The following ZNF292 variants were observed in gnomAD, a reference collection of about 807,000 sequenced individuals.
ZNF292 encodes the protein zinc finger protein 292, also known as 16 zinc-finger domain protein.
Under a neutral mutation model 217.9 loss-of-function variants are expected in ZNF292, and 26 were observed. The ratio of observed to expected loss-of-function variants is 0.12; its 90% confidence interval spans 0.09 to 0.17. ZNF292 has a LOEUF of 0.17. Among genes scored for constraint, ZNF292 ranks in the 10% least tolerant of loss-of-function variants. The probability of loss-of-function intolerance (pLI) is 1.00; values close to 1 mark genes in which losing one functional copy is unlikely to be tolerated. For synonymous variants in ZNF292, 1,257 were observed against 1,124.1 expected (o/e 1.12, Z -2.37); for missense variants, 2,904 against 3,175.2 (o/e 0.91, Z 2.05).
At chr6:87,240,338 C>T (rs953681120) in intron 5 of ZNF292, among the ~76,000 whole-genome samples, 3 of 80,616 alleles carry the variant, frequency 3.7e-5, no homozygotes, top group Admixed American at 3.9e-4. Context: ...AGAGGGAGAC[C>T]GTGGAAAGAG....
At chr6:87,211,014 A>G (rs1018225906) in intron 1 of ZNF292, among the ~76,000 whole-genome samples, 10 of 152,210 alleles carry the variant, frequency 6.6e-5, no homozygotes, top group African/African-American at 1.2e-4. Flanking sequence ...TTTTTGAACA[A>G]TGTGCACATC....
At chr6:87,169,669 G>A (rs1771035085) in intron 1 of ZNF292, 1 of 437,800 alleles carries the variant, frequency 2.3e-6, no homozygotes, top group African/African-American at 2.0e-5. Context: ...TCTGTTTTGA[G>A]ACAGGGTCTC....
chr6:87,207,276 G>GT (rs1334781460), intron 1 of ZNF292, among the ~76,000 whole-genome samples: 3 of 152,190 alleles, frequency 2.0e-5, no homozygotes, highest in African/African-American at 7.2e-5. Flanking sequence ...TGTAACAGAA[G>GT]TGACAGTATA....
intron 4 of ZNF292, among the ~76,000 whole-genome samples, chr6:87,232,844 A>G (rs1773721929): frequency 1.3e-5 from 2 of 152,086 alleles, no homozygotes; most frequent in African/African-American, 4.8e-5. Flanking sequence ...AGCTTTGTAA[A>G]ATGAAAAATA....
intron 4 of ZNF292, among the ~76,000 whole-genome samples, chr6:87,220,701 C>T (rs1273288868): frequency 6.6e-6 from 1 of 151,648 alleles, no homozygotes; most frequent in Non-Finnish European, 1.5e-5. Flanking sequence ...TGCTTGATTT[C>T]TTTACTTGTT....
At chr6:87,215,777 AACT>A (rs890364494) in intron 1 of ZNF292, 123 bp from the exon 2 acceptor site, 42 of 658,032 alleles carry the variant, frequency 6.4e-5, no homozygotes, top group Middle Eastern at 8.8e-4. Flanking sequence ...AATCAATATA[AACT>A]ACTTTTTGTT....
At chr6:87,162,425 A>G (rs538384562) in intron 1 of ZNF292, among the ~76,000 whole-genome samples, 89 of 152,326 alleles carry the variant, frequency 5.8e-4, no homozygotes, top group African/African-American at 1.9e-3. Flanking sequence ...CTTTTTGACT[A>G]TTAGAGGCTA....
chr6:87,158,965 C>G (rs1236688322), intron 1 of ZNF292, among the ~76,000 whole-genome samples: 1 of 152,190 alleles, frequency 6.6e-6, no homozygotes, highest in African/African-American at 2.4e-5. Context: ...AATTAATATT[C>G]TGTCAGTGTT....
chr6:87,183,361 C>G (rs1442090571), intron 1 of ZNF292, among the ~76,000 whole-genome samples: 1 of 151,904 alleles, frequency 6.6e-6, no homozygotes, highest in Non-Finnish European at 1.5e-5. Context: ...CTGGCCCCTG[C>G]AGGAAAATAT....
At chr6:87,217,443 C>T (rs1199332668) in intron 3 of ZNF292, among the ~76,000 whole-genome samples, 7 of 152,032 alleles carry the variant, frequency 4.6e-5, no homozygotes, top group Admixed American at 3.9e-4. Flanking sequence ...GCATATTCTA[C>T]TTCGGATATC....
chr6:87,188,970 C>T (rs986770075), intron 1 of ZNF292, among the ~76,000 whole-genome samples: 39 of 151,934 alleles, frequency 2.6e-4, no homozygotes, highest in African/African-American at 8.0e-4. Context: ...TTTGGGAGGC[C>T]GAGGCGGGCC....
chr6:87,171,401 TTTTG>T (rs1475812408), intron 1 of ZNF292, among the ~76,000 whole-genome samples: 1 of 151,970 alleles, frequency 6.6e-6, no homozygotes, highest in Non-Finnish European at 1.5e-5. Context: ...TTGGTTTTTT[TTTTG>T]TTTGTTTTTT....
intron 7 of ZNF292, among the ~76,000 whole-genome samples, chr6:87,250,031 AAAAAAC>A (rs1774829088): frequency 1.4e-5 from 2 of 142,706 alleles, no homozygotes; most frequent in Admixed American, 1.5e-4. Context: ...CTTAAAAAAA[AAAAAAC>A]AAAAAAAAAA....
intron 1 of ZNF292, among the ~76,000 whole-genome samples, chr6:87,189,685 T>C (rs553218417): frequency 2.6e-5 from 4 of 152,210 alleles, no homozygotes; most frequent in Non-Finnish European, 4.4e-5. Context: ...AGTGCCATCA[T>C]CAAAGATGTA....
intron 1 of ZNF292, among the ~76,000 whole-genome samples, chr6:87,196,190 C>T (rs1361014455): frequency 6.6e-6 from 1 of 152,134 alleles, no homozygotes; most frequent in Non-Finnish European, 1.5e-5. Context: ...ATTTTCTTTT[C>T]TAAATTTGTA....
At chr6:87,203,452 A>C (rs1337694761) in intron 1 of ZNF292, among the ~76,000 whole-genome samples, 1 of 151,800 alleles carries the variant, frequency 6.6e-6, no homozygotes, top group African/African-American at 2.4e-5. Flanking sequence ...GATTTTCCTA[A>C]CTTTAAATTA....
chr6:87,256,723 T>A lies in ZNF292; in HGVS notation c.3094T>A (p.Ser1032Thr), dbSNP rs1223254781. ...ERQVNNLMTF[S>T]VQNQAAFQNN... ...ACAAGTGAACAACTTGATGACCTTT[T>A]CTGTGCAAAATCAGGCAGCATTTCA... The change falls in exon 8 of 8, where the codon TCT becomes ACT. Residue 1032 changes from serine to threonine, a missense_variant. By Grantham distance (58) the Ser-to-Thr change is moderately conservative. Coordinates refer to ENST00000369577, the MANE Select transcript of ZNF292 (RefSeq NM_015021.3). The A allele has an allele frequency of 6.2e-7, 1 of 1,612,746 alleles. No homozygotes were observed. The highest frequency in any genetic ancestry group is 1.7e-5 in the Admixed American group (1 of 59,948).
chr6:87,199,299 A>G (rs937615616), intron 1 of ZNF292, among the ~76,000 whole-genome samples: 1 of 152,186 alleles, frequency 6.6e-6, no homozygotes, highest in African/African-American at 2.4e-5. Context: ...TCTTTGGTGA[A>G]CTGTCCATTT....
intron 4 of ZNF292, chr6:87,222,781 G>A: frequency 2.2e-6 from 1 of 452,616 alleles, no homozygotes; most frequent in Non-Finnish European, 4.4e-6. Context: ...ATTCCATCCA[G>A]GATACCACAT....
Sources: allele counts gnomAD v4.1 joint callset (sites outside exome capture counted in the v4.1 genomes callset), GRCh38; gene constraint gnomAD v4.1.1; transcripts MANE v1.5; gene names NCBI Gene and HGNC (gene_info 2026-07-23, HGNC 2026-07-21).